The following SLC2A1 variants were observed in gnomAD, a reference collection of about 807,000 sequenced individuals.
The protein encoded by SLC2A1 is solute carrier family 2, facilitated glucose transporter member 1.
In SLC2A1, 4 loss-of-function variants were observed where a neutral mutation model predicts 46.6. The ratio of observed to expected loss-of-function variants is 0.09; its 90% CI spans 0.04 to 0.20. The LOEUF (loss-of-function observed/expected upper bound fraction) is 0.20. SLC2A1 is among the 10% of genes least tolerant of loss of function. The pLI, the probability that SLC2A1 is intolerant of heterozygous loss-of-function variation, is 1.00. For synonymous variants in SLC2A1, 253 were observed against 270.0 expected (o/e 0.94, Z 0.62); for missense variants, 352 against 667.0 (o/e 0.53, Z 5.20).
chr1:42,941,449 T>G (rs945190191), intron 2 of SLC2A1, among the ~76,000 whole-genome samples: 1 of 152,172 alleles, frequency 6.6e-6, no homozygotes, highest in African/African-American at 2.4e-5. Flanking sequence ...CTTCTGGGCA[T>G]TTTGCTTTGA....
At chr1:42,947,356 T>C (rs1164358155) in intron 1 of SLC2A1, among the ~76,000 whole-genome samples, 12 of 152,142 alleles carry the variant, frequency 7.9e-5, no homozygotes, top group African/African-American at 2.9e-4. Flanking sequence ...AACATTCCAT[T>C]CTCTTCCAGG....
At chr1:42,957,917 C>T (rs1643794716) in intron 1 of SLC2A1, among the ~76,000 whole-genome samples, 1 of 152,196 alleles carries the variant, frequency 6.6e-6, no homozygotes, top group Admixed American at 6.5e-5. Flanking sequence ...CCGCGGAACA[C>T]ATCTCCGCGA....
chr1:42,930,303 C>G lies in SLC2A1; in HGVS notation c.517-268G>C. 3 of 625,402 alleles carry G rather than the reference C, an allele frequency of 4.8e-6. No individual in the cohort carries two copies. Among genetic ancestry groups the G allele is most frequent in the Non-Finnish European group, 8.6e-6 (3 of 349,146 alleles). 38.7% of individuals were successfully genotyped at this position (625,402 alleles called of 1,614,324 possible). On this transcript the variant is annotated intron_variant, in intron 4 of 9. Coordinates refer to ENST00000426263, the MANE Select transcript of SLC2A1 (RefSeq NM_006516.4). This position sits in a 1 kb window ranked among gnomAD's most constrained non-coding sequence, Gnocchi z 6.2. ...GAGAATGGGGGCTGCTACTCTGCCA[C>G]AAGAGGGTTTTGGGGACAGGGAAGG...
Position 42,927,300 on chromosome 1 carries a change from C to G in SLC2A1, c.1279-59G>C. The G allele has an allele frequency of 1.3e-6, 2 of 1,510,238 alleles. No homozygotes were observed. The allele number at this position is 1,510,238 out of a possible 1,614,324, so 93.6% of individuals were successfully genotyped here. A position where few individuals can be genotyped will look rare whatever the true frequency, so the allele number is the denominator to read the frequency against. ...ATGACCCTACATCCTGGCTGTAGGACTTTGGATAAGTCACTTTACCTTTGG... is the reference window on the plus strand; with the variant it reads ...ATGACCCTACATCCTGGCTGTAGGAGTTTGGATAAGTCACTTTACCTTTGG... On this transcript the variant is annotated intron_variant, in intron 9 of 9. Coordinates refer to ENST00000426263, the MANE Select transcript of SLC2A1 (RefSeq NM_006516.4). The surrounding 1 kb of genome is among the most constrained non-coding windows in gnomAD (Gnocchi z 5.3).
intron 1 of SLC2A1, among the ~76,000 whole-genome samples, chr1:42,946,760 C>T (rs908109954): frequency 6.6e-6 from 1 of 152,142 alleles, no homozygotes; most frequent in Non-Finnish European, 1.5e-5. Context: ...ATGGCCCCTG[C>T]TCCTCAGTAG....
intron 8 of SLC2A1, among the ~76,000 whole-genome samples, chr1:42,928,455 A>T (rs1001147972): frequency 6.6e-6 from 1 of 152,120 alleles, no homozygotes; most frequent in Admixed American, 6.5e-5. Context: ...TCCTGGCTTC[A>T]TCCTTTATCT....
Position 42,926,964 on chromosome 1 carries a change from G to A in SLC2A1, c.*77C>T, listed in dbSNP as rs1643432916. 1 of 1,575,212 alleles carries A rather than the reference G, an allele frequency of 6.3e-7. No homozygotes were observed. On this transcript the variant is annotated 3_prime_UTR_variant, in exon 10 of 10. Coordinates refer to ENST00000426263, the MANE Select transcript of SLC2A1 (RefSeq NM_006516.4). ...CGGCTGACATCTGTCAGGTTTGGAA[G>A]TCTCATCCAGCTGCCTGTGCTCCTG...
rs185821482 is a variant in SLC2A1 at position 42,939,877 on chromosome 1, C to T, written c.114+3349G>A. Among the ~76,000 whole-genome samples, 613 of 150,748 alleles carry T rather than the reference C, an allele frequency of 4.1e-3. 4 individuals are homozygous for T. The highest frequency in any genetic ancestry group is 6.8e-3 in the Non-Finnish European group (460 of 67,874). ...CTGAGGCACGAGAACCACTTGAACC[C>T]AGGAAGCGGAGGTTGCAGTGAGCCA... On this transcript the variant is annotated intron_variant, in intron 2 of 9. Coordinates refer to ENST00000426263, the MANE Select transcript of SLC2A1 (RefSeq NM_006516.4).
chr1:42,942,631 C>A (rs140376301), intron 2 of SLC2A1, among the ~76,000 whole-genome samples: 194 of 152,010 alleles, frequency 1.3e-3, no homozygotes, highest in African/African-American at 4.5e-3. Flanking sequence ...AGGGAGAGGA[C>A]GCGGTTTCAA....
intron 1 of SLC2A1, chr1:42,952,766 G>T: frequency 5.3e-6 from 1 of 189,114 alleles, no homozygotes; most frequent in South Asian, 8.8e-5. Flanking sequence ...AAGGAGCCCA[G>T]TGTAGCTGTT....
At chr1:42,945,738 C>CAA (rs1166067644) in intron 1 of SLC2A1, among the ~76,000 whole-genome samples, 4 of 115,420 alleles carry the variant, frequency 3.5e-5, no homozygotes, top group Non-Finnish European at 4.0e-5. Context: ...GACTCTGTCT[C>CAA]AAAAAAAAAA....
intron 1 of SLC2A1, among the ~76,000 whole-genome samples, chr1:42,947,587 A>C (rs1328916718): frequency 3.7e-5 from 4 of 108,822 alleles, no homozygotes; most frequent in African/African-American, 7.3e-5. Context: ...CACACAAAAA[A>C]AAAAAAAAAA....
At position 42,954,215 on chromosome 1, in the gene SLC2A1, CT is replaced by C. The variant is rs571076932; in HGVS notation, c.18+4418del. Among the ~76,000 whole-genome samples, 13,316 of 107,950 alleles carry C rather than the reference CT, an allele frequency of 0.12. 755 individuals are homozygous for C. Among genetic ancestry groups the C allele is most frequent in the Admixed American group, 0.23 (2,557 of 11,336 alleles). 70.8% of individuals were successfully genotyped at this position (107,950 alleles called of 152,430 possible). On this transcript the variant is annotated intron_variant, in intron 1 of 9. Transcript: ENST00000426263. The surrounding 1 kb of genome is among the most constrained non-coding windows in gnomAD (Gnocchi z 4.2). ...GACAGGCATGTGGAGAAGAAAGCAT[CT>C]TTAAAAAAAAAACACAGCTAGGCCA...
At chr1:42,941,484 G>A (rs1380088978) in intron 2 of SLC2A1, among the ~76,000 whole-genome samples, 2 of 152,112 alleles carry the variant, frequency 1.3e-5, no homozygotes, top group African/African-American at 4.8e-5. Flanking sequence ...CCCCAACCCT[G>A]TTCTGTTTCT....
chr1:42,937,903 C>G (rs1570598118), intron 2 of SLC2A1, among the ~76,000 whole-genome samples: 1 of 152,176 alleles, frequency 6.6e-6, no homozygotes, highest in African/African-American at 2.4e-5. Flanking sequence ...GCCTCCAGCT[C>G]TTTCACTCAC....
At chr1:42,952,207 G>A in intron 1 of SLC2A1, 3 of 447,984 alleles carry the variant, frequency 6.7e-6, no homozygotes, top group South Asian at 4.5e-5. Context: ...TCTGTGGCTG[G>A]TGGGCTCAAA....
At chr1:42,934,532 C>A (rs1217557974) in intron 2 of SLC2A1, among the ~76,000 whole-genome samples, 1 of 152,104 alleles carries the variant, frequency 6.6e-6, no homozygotes, top group African/African-American at 2.4e-5. Context: ...GACTCTTGGC[C>A]CAGGAAAGGC....
Position 42,930,976 on chromosome 1 carries a change from C to A in SLC2A1, c.275+70G>T, listed in dbSNP as rs955794824. 1.2e-6 allele frequency: 2 copies of A among 1,609,556 alleles called. No homozygotes were observed. The highest frequency in any genetic ancestry group is 1.7e-6 in the Non-Finnish European group (2 of 1,177,948). On this transcript the variant is annotated intron_variant, in intron 3 of 9. Coordinates refer to ENST00000426263, the MANE Select transcript of SLC2A1 (RefSeq NM_006516.4). The surrounding 1 kb of genome is among the most constrained non-coding windows in gnomAD (Gnocchi z 6.2). ...CAGATAAGTCTCCCCTACCTCCCACCCCATCTGGGACTCCCTGGGCAGGAG... is the reference window on the plus strand; with the variant it reads ...CAGATAAGTCTCCCCTACCTCCCACACCATCTGGGACTCCCTGGGCAGGAG...
intron 2 of SLC2A1, among the ~76,000 whole-genome samples, chr1:42,940,201 C>T (rs1454408640): frequency 4.6e-5 from 7 of 152,320 alleles, no homozygotes; most frequent in African/African-American, 1.7e-4. Context: ...TTGGAAGAGC[C>T]GTCTCCACCC....
Sources: gnomAD v4.1 joint callset for allele counts (sites outside exome capture counted in the v4.1 genomes callset) on GRCh38, gnomAD v4.1.1 for gene constraint, Gnocchi (gnomAD v3.1) non-coding constraint, MANE v1.5 for transcripts, NCBI Gene and HGNC (gene_info 2026-07-23, HGNC 2026-07-21) for gene names.